Variants in OLAH observed in about 807,000 individuals in gnomAD.
The protein encoded by OLAH is S-acyl fatty acid synthase thioesterase, medium chain.
A neutral mutation model predicts 27.8 loss-of-function variants in OLAH; 33 were observed. The ratio of observed to expected loss-of-function variants is 1.19; its 90% CI spans 0.90 to 1.59. The LOEUF (loss-of-function observed/expected upper bound fraction) is 1.59, where lower values mean the gene tolerates loss of function less well. OLAH is among the 40% of genes most tolerant of loss of function. The pLI is 0.00. For synonymous variants in OLAH, 120 were observed against 102.9 expected (o/e 1.17, Z -1.01); for missense variants, 359 against 310.8 (o/e 1.16, Z -1.17).
At chr10:15,053,895 A>G (rs1219464300) in intron 3 of OLAH, among the ~76,000 whole-genome samples, 3 of 150,888 alleles carry the variant, frequency 2.0e-5, no homozygotes, top group African/African-American at 2.4e-5. Context: ...CTTTTTTCAT[A>G]TTTTTGTTGT....
At chr10:15,069,328 G>A (rs1001773269) in intron 6 of OLAH, among the ~76,000 whole-genome samples, 1 of 152,134 alleles carries the variant, frequency 6.6e-6, no homozygotes, top group Non-Finnish European at 1.5e-5. Context: ...AGGGGTAGAG[G>A]GCTTATGCTT....
Position 15,050,332 on chromosome 10 carries a change from A to G in OLAH, c.163+567A>G, listed in dbSNP as rs569322799. On this transcript the variant is annotated intron_variant, in intron 3 of 7. Transcript: ENST00000378228. ...ACCCAGGCTGGAGTGCAGTGGTGCA[A>G]TCTCGGCTCACTGCAATCTCCACCT... Among the ~76,000 whole-genome samples the G allele has an allele frequency of 5.3e-4, 80 of 152,094 alleles. 1 individual carries two copies. The Middle Eastern group carries it at 0.017, about 32-fold the overall frequency.
At chr10:15,055,561 G>C (rs1325540162) in intron 3 of OLAH, among the ~76,000 whole-genome samples, 1 of 152,126 alleles carries the variant, frequency 6.6e-6, no homozygotes, top group Non-Finnish European at 1.5e-5. Context: ...GAAGAAGAGA[G>C]CCCTGTAATT....
intron 6 of OLAH, among the ~76,000 whole-genome samples, chr10:15,066,471 G>A (rs1844469072): frequency 6.6e-6 from 1 of 151,970 alleles, no homozygotes; most frequent in Non-Finnish European, 1.5e-5. Flanking sequence ...TTTTGTTCCA[G>A]AACTCATTAA....
intron 4 of OLAH, 23 bp downstream of exon 4, chr10:15,061,885 G>A (rs1014045645): frequency 6.2e-7 from 1 of 1,601,174 alleles, no homozygotes; most frequent in African/African-American, 1.3e-5. Context: ...TGTTTTAAAA[G>A]ACTTCAGGGG....
At position 15,061,852 on chromosome 10, in the gene OLAH, T is replaced by G. The variant is rs927648255; in HGVS notation, c.292T>G (p.Phe98Val). ...CATCCAGGATAAACCATTTGCATTT[T>G]TTGGCCACAGGTATTTGATATCTGT... ...PVIQDKPFAF[F>V]GHSMGSYIAF... Residue 98 changes from phenylalanine (F) to valine (V), a missense_variant, in exon 4 of 8, where the codon TTT (phenylalanine) becomes GTT (valine). Coordinates refer to ENST00000378228, the MANE Select transcript of OLAH (RefSeq NM_001039702.3). 2 of 1,613,214 alleles carry G rather than the reference T, an allele frequency of 1.2e-6. No homozygotes were observed. The highest frequency in any genetic ancestry group is 4.5e-5 in the East Asian group (2 of 44,866).
Position 15,071,825 on chromosome 10 carries a change from CTG to C in OLAH, c.606_607del (p.Cys202Ter). ...ACGTACCATCTAAGGCTGTTCTTTCCTGTGACTTGACATGTTTTGTTGGATCT... is the reference window on the plus strand; with the variant it reads ...ACGTACCATCTAAGGCTGTTCTTTCCTGACTTGACATGTTTTGTTGGATCT... Reference protein sequence around the residue: ...SNVPSKAVLSCDLTCFVGSED... With the variant: ...SNVPSKAVLSXDLTCFVGSED... On this transcript the variant is annotated frameshift_variant, in exon 7 of 8. Coordinates refer to ENST00000378228, the MANE Select transcript of OLAH (RefSeq NM_001039702.3). LOFTEE classifies it high-confidence loss of function. The C allele has an allele frequency of 6.2e-7, 1 of 1,613,730 alleles. No individual in the cohort carries two copies. Among genetic ancestry groups the C allele is most frequent in the South Asian group, 1.1e-5 (1 of 91,072 alleles).
chr10:15,032,641 A>G (rs1452634385), intron 1 of OLAH, among the ~76,000 whole-genome samples: 1 of 148,966 alleles, frequency 6.7e-6, no homozygotes, highest in Non-Finnish European at 1.5e-5. Flanking sequence ...AAAAAAAAAG[A>G]AAAACATCGC....
intron 6 of OLAH, among the ~76,000 whole-genome samples, chr10:15,071,076 C>G (rs953790000): frequency 2.6e-5 from 4 of 152,102 alleles, no homozygotes; most frequent in Non-Finnish European, 2.9e-5. Context: ...AACCATCACA[C>G]CTGACCTAGC....
intron 7 of OLAH, among the ~76,000 whole-genome samples, chr10:15,072,133 C>T (rs1468907914): frequency 6.6e-6 from 1 of 152,120 alleles, no homozygotes; most frequent in African/African-American, 2.4e-5. Context: ...GGGGTTTCAC[C>T]ATGTTGGCCA....
chr10:15,065,025 C>T (rs1251172473), intron 5 of OLAH, among the ~76,000 whole-genome samples: 1 of 152,174 alleles, frequency 6.6e-6, no homozygotes, highest in Non-Finnish European at 1.5e-5. Flanking sequence ...GTTGAAAAGT[C>T]CCTTAAATCT....
chr10:15,065,792 A>T (rs756304448), intron 6 of OLAH, 39 bp downstream of exon 6: 1 of 1,548,310 alleles, frequency 6.5e-7, no homozygotes, highest in Non-Finnish European at 8.7e-7. Context: ...TTTTTGGTAC[A>T]ATTATTTGTA....
intron 3 of OLAH, among the ~76,000 whole-genome samples, chr10:15,052,160 A>G (rs1322601113): frequency 1.3e-5 from 2 of 152,148 alleles, no homozygotes; most frequent in African/African-American, 2.4e-5. Flanking sequence ...GTGCACGCCT[A>G]TAATCCCAGC....
At chr10:15,062,672 T>C (rs924313976) in intron 4 of OLAH, among the ~76,000 whole-genome samples, 1 of 151,866 alleles carries the variant, frequency 6.6e-6, no homozygotes, top group Non-Finnish European at 1.5e-5. Context: ...ATTTGTTTGA[T>C]TAACCTCCTT....
chr10:15,070,346 T>C (rs1182918883), intron 6 of OLAH, among the ~76,000 whole-genome samples: 2 of 152,156 alleles, frequency 1.3e-5, no homozygotes. Flanking sequence ...ATGGTGTACC[T>C]TGTTTGATCT....
intron 6 of OLAH, among the ~76,000 whole-genome samples, chr10:15,066,165 C>A (rs75977683): frequency 0.025 from 3,763 of 150,474 alleles, 149 homozygotes; most frequent in African/African-American, 0.086. Context: ...CACTTGAAGT[C>A]AGGAGGCGGA....
At chr10:15,055,657 G>A (rs1041085142) in intron 3 of OLAH, among the ~76,000 whole-genome samples, 2 of 152,034 alleles carry the variant, frequency 1.3e-5, no homozygotes, top group Admixed American at 1.3e-4. Context: ...TACAATTAAA[G>A]GCCACTACTT....
Position 15,073,679 on chromosome 10 carries a change from A to T in OLAH, c.*450A>T, listed in dbSNP as rs1487298871. Reference sequence around the variant, plus strand: ...TGTCTCAAAAAAAAAAAAAAAAAAAATACTTCTGGCAGAGTCTTTTATCTT... The same window carrying T: ...TGTCTCAAAAAAAAAAAAAAAAAAATTACTTCTGGCAGAGTCTTTTATCTT... On this transcript the variant is annotated 3_prime_UTR_variant, in exon 8 of 8. Coordinates refer to ENST00000378228, the MANE Select transcript of OLAH (RefSeq NM_001039702.3). The T allele has an allele frequency of 6.9e-6, 1 of 145,338 alleles. No individual in the cohort carries two copies. The highest frequency in any genetic ancestry group is 6.9e-5 in the Admixed American group (1 of 14,504). 9.0% of individuals were successfully genotyped at this position (145,338 alleles called of 1,614,324 possible).
At chr10:15,063,754 A>C (rs537552300) in intron 4 of OLAH, among the ~76,000 whole-genome samples, 1 of 152,350 alleles carries the variant, frequency 6.6e-6, no homozygotes, top group South Asian at 2.1e-4. Context: ...AATAACATTA[A>C]CAAACCTATT....
Sources: gnomAD v4.1 joint callset for allele counts (sites outside exome capture counted in the v4.1 genomes callset) on GRCh38, gnomAD v4.1.1 for gene constraint, MANE v1.5 for transcripts, NCBI Gene and HGNC (gene_info 2026-07-23, HGNC 2026-07-21) for gene names.